PRIM2: variants seen among roughly 807,000 people sequenced by gnomAD.
PRIM2 encodes DNA primase subunit 2.
In PRIM2, 39 loss-of-function variants were observed where a neutral mutation model predicts 67.3. The observed-to-expected ratio is 0.58, with a 90% confidence interval of 0.45 to 0.76. The LOEUF is 0.76. PRIM2 is among the 30% of genes least tolerant of loss of function. The pLI, the probability that PRIM2 is intolerant of heterozygous loss-of-function variation, is 0.00. For missense variants in PRIM2, 398 were observed against 598.7 expected (o/e 0.66, Z 3.50); for synonymous variants, 143 against 198.7 (o/e 0.72, Z 2.36).
chr6:57,494,386 G>A (rs1402082399), intron 7 of PRIM2, among the ~76,000 whole-genome samples: 4 of 152,084 alleles, frequency 2.6e-5, no homozygotes, highest in Non-Finnish European at 4.4e-5. Flanking sequence ...TTTCTTTACC[G>A]TAGAATCTAA....
chr6:57,432,875 C>T (rs1295338019), intron 7 of PRIM2, among the ~76,000 whole-genome samples: 1 of 152,196 alleles, frequency 6.6e-6, no homozygotes, highest in Non-Finnish European at 1.5e-5. Flanking sequence ...AGTCTAACTC[C>T]ATATCATAAT....
chr6:57,520,607 G>A (rs1332914181), intron 8 of PRIM2, among the ~76,000 whole-genome samples: 1 of 152,126 alleles, frequency 6.6e-6, no homozygotes, highest in Non-Finnish European at 1.5e-5. Context: ...TTGAATATAT[G>A]TTACAGGGGT....
chr6:57,615,839 A>G (rs1776746946), intron 12 of PRIM2, among the ~76,000 whole-genome samples: 1 of 152,200 alleles, frequency 6.6e-6, no homozygotes, highest in African/African-American at 2.4e-5. Flanking sequence ...ACAGTGAGCT[A>G]TAATTGTGCC....
rs539725890 is a variant in PRIM2 at position 57,380,036 on chromosome 6, T to A, written c.555+40T>A. 5,349 of 1,492,354 alleles carry A rather than the reference T, an allele frequency of 3.6e-3. 150 individuals carry two copies. In the East Asian group the frequency reaches 0.055, roughly 15 times the overall value. 92.4% of individuals were successfully genotyped at this position (1,492,354 alleles called of 1,614,324 possible). A position where few individuals can be genotyped will look rare whatever the true frequency, so the allele number is the denominator to read the frequency against. On this transcript the variant is annotated intron_variant, in intron 6 of 13. Coordinates refer to ENST00000615550, the MANE Select transcript of PRIM2 (RefSeq NM_000947.5). Reference sequence around the variant, plus strand: ...AAAATACTTCCTAGGTTTTGTTAAATATGTCGCATTGAGCTTTATATACAT... The same window carrying A: ...AAAATACTTCCTAGGTTTTGTTAAAAATGTCGCATTGAGCTTTATATACAT...
chr6:57,592,593 G>A lies in PRIM2; in HGVS notation c.1021-8500G>A, dbSNP rs1399425036. Among the ~76,000 whole-genome samples the A allele has an allele frequency of 2.6e-3, 393 of 152,190 alleles. 8 individuals carry two copies. In the South Asian group the frequency reaches 0.028, roughly 11 times the overall value. On this transcript the variant is annotated intron_variant, in intron 10 of 13. Coordinates refer to ENST00000615550, the MANE Select transcript of PRIM2 (RefSeq NM_000947.5). ...GTGGATCACCTGAGGTTAAGAGTTC[G>A]AGACCAGCCTGGCCAACATGCAACA...
chr6:57,555,855 A>G (rs1355263535), intron 10 of PRIM2, among the ~76,000 whole-genome samples: 3 of 152,232 alleles, frequency 2.0e-5, no homozygotes, highest in Non-Finnish European at 4.4e-5. Flanking sequence ...ACCTGGCTAA[A>G]TTAATTATTC....
At chr6:57,363,733 G>C (rs1050189366) in intron 5 of PRIM2, among the ~76,000 whole-genome samples, 18 of 152,132 alleles carry the variant, frequency 1.2e-4, no homozygotes, top group African/African-American at 4.3e-4. Flanking sequence ...TTGTCTAGGA[G>C]TAGAATTCTT....
At chr6:57,319,183 T>A (rs1465734358) in intron 2 of PRIM2, among the ~76,000 whole-genome samples, 1 of 142,296 alleles carries the variant, frequency 7.0e-6, no homozygotes, top group Non-Finnish European at 1.5e-5. Flanking sequence ...GAATTCAGGG[T>A]GGATGGAGAA....
At chr6:57,234,722 A>C in the PRIM2 span, among the ~76,000 whole-genome samples, 1 of 152,030 alleles carries the variant, frequency 6.6e-6, no homozygotes, top group South Asian at 2.1e-4. Flanking sequence ...ATGGGGTTTC[A>C]CTGTGTTAGC....
the PRIM2 span, among the ~76,000 whole-genome samples, chr6:57,276,393 A>G: frequency 6.6e-6 from 1 of 152,128 alleles, no homozygotes; most frequent in Non-Finnish European, 1.5e-5. Context: ...TGTCTCAAAT[A>G]AAATAAAATA....
the PRIM2 span, among the ~76,000 whole-genome samples, chr6:57,294,074 A>G: frequency 6.6e-6 from 1 of 152,234 alleles, no homozygotes; most frequent in East Asian, 1.9e-4. Context: ...ATTATGGTAT[A>G]GTCATGCAAT....
intron 5 of PRIM2, among the ~76,000 whole-genome samples, chr6:57,333,252 G>A (rs568144056): frequency 6.6e-6 from 1 of 152,252 alleles, no homozygotes; most frequent in East Asian, 1.9e-4. Flanking sequence ...TATGAAAAAT[G>A]TATTTATAAT....
intron 8 of PRIM2, among the ~76,000 whole-genome samples, chr6:57,508,554 T>A (rs1300633077): frequency 6.6e-6 from 1 of 152,222 alleles, no homozygotes; most frequent in African/African-American, 2.4e-5. Flanking sequence ...GGAATTACTT[T>A]GTCAAAGGGT....
intron 5 of PRIM2, among the ~76,000 whole-genome samples, chr6:57,363,997 A>G (rs1487093919): frequency 6.8e-6 from 1 of 146,712 alleles, no homozygotes; most frequent in African/African-American, 2.5e-5. Context: ...ACTATTTCCC[A>G]GTTTGTTATT....
At chr6:57,520,307 G>A (rs1554348781) in intron 8 of PRIM2, among the ~76,000 whole-genome samples, 1 of 152,188 alleles carries the variant, frequency 6.6e-6, no homozygotes, top group African/African-American at 2.4e-5. Context: ...ATGGGAAGAT[G>A]TTGTCCATCA....
At chr6:57,382,300 ATGT>A (rs1234984463) in intron 7 of PRIM2, 132 bp downstream of exon 7, 2 of 1,040,954 alleles carry the variant, frequency 1.9e-6, no homozygotes, top group East Asian at 2.7e-5. Flanking sequence ...ATTACATATG[ATGT>A]TGTACTGTTA....
chr6:57,326,136 T>G, intron 5 of PRIM2, 91 bp downstream of exon 5: 1 of 1,396,132 alleles, frequency 7.2e-7, no homozygotes, highest in Non-Finnish European at 9.7e-7. Flanking sequence ...TAGTGTGTTC[T>G]CTTTACATTC....
chr6:57,439,924 A>T (rs946690478), intron 7 of PRIM2, among the ~76,000 whole-genome samples: 1 of 152,162 alleles, frequency 6.6e-6, no homozygotes, highest in Admixed American at 6.5e-5. Context: ...TTAAAGTGGA[A>T]GACTTTGGAG....
chr6:57,564,550 T>G (rs1199450842), intron 10 of PRIM2, among the ~76,000 whole-genome samples: 1 of 152,186 alleles, frequency 6.6e-6, no homozygotes. Flanking sequence ...TTTTTTGGTT[T>G]GTTTGTTTAC....
Sources: gnomAD v4.1 joint callset for allele counts (sites outside exome capture counted in the v4.1 genomes callset) on GRCh38, gnomAD v4.1.1 for gene constraint, MANE v1.5 for transcripts, NCBI Gene and HGNC (gene_info 2026-07-23, HGNC 2026-07-21) for gene names.